Variants in SH2D3C observed in about 807,000 individuals in gnomAD.
The protein encoded by SH2D3C is SH2 domain-containing protein 3C.
Under a neutral mutation model 75.2 loss-of-function variants are expected in SH2D3C, and 25 were observed. That is an observed-to-expected ratio of 0.33 (90% CI 0.24 to 0.46). The LOEUF (loss-of-function observed/expected upper bound fraction) is 0.46, where lower values mean the gene tolerates loss of function less well. Among genes scored for constraint, SH2D3C ranks in the 20% least tolerant of loss-of-function variants. The pLI is 1.00. For missense variants in SH2D3C, 933 were observed against 1,165.3 expected, an observed-to-expected ratio of 0.80 and a Z score of 2.90; for synonymous variants, 450 against 473.7, an observed-to-expected ratio of 0.95 and a Z score of 0.65.
intron 2 of SH2D3C, among the ~76,000 whole-genome samples, chr9:127,773,663 C>G (rs753611780): frequency 6.6e-6 from 1 of 152,006 alleles, no homozygotes; most frequent in African/African-American, 2.4e-5. Context: ...AAAGAAGCCC[C>G]GGCCAGCACT....
chr9:127,766,662 C>CG lies in SH2D3C; in HGVS notation c.516-5013dup, dbSNP rs1169095161. On this transcript the variant is annotated intron_variant, in intron 2 of 11. Transcript: ENST00000314830. ...TCGGCTCACTGCAACCTCTGCCTCC[C>CG]GGGTTCAAGTGATTCTCTTGCCTCA... 4.6e-5 allele frequency among the ~76,000 whole-genome samples: 7 copies of CG among 152,256 alleles called. No homozygotes were observed. In the East Asian group the frequency reaches 1.2e-3, roughly 25 times the overall value.
chr9:127,778,090 C>A (rs1156582795), intron 1 of SH2D3C, among the ~76,000 whole-genome samples: 1 of 152,004 alleles, frequency 6.6e-6, no homozygotes, highest in African/African-American at 2.4e-5. Flanking sequence ...TGGGTTCAAG[C>A]GTTTCTTCTG....
chr9:127,742,645 G>A, intron 8 of SH2D3C: 1 of 526,364 alleles, frequency 1.9e-6, no homozygotes, highest in Non-Finnish European at 3.4e-6. Flanking sequence ...GAAGGCGAAT[G>A]CGGAGATACA....
chr9:127,761,421 T>C (rs982486025), intron 3 of SH2D3C, among the ~76,000 whole-genome samples, 190 bp downstream of exon 3: 1 of 151,458 alleles, frequency 6.6e-6, no homozygotes, highest in Non-Finnish European at 1.5e-5. Flanking sequence ...TAATGGCTGG[T>C]GTAGGAAGAA....
chr9:127,741,916 A>C lies in SH2D3C; in HGVS notation c.1960T>G (p.Cys654Gly). The C allele has an allele frequency of 6.2e-7, 1 of 1,613,010 alleles. No individual in the cohort carries two copies. Among genetic ancestry groups the C allele is most frequent in the South Asian group, 1.1e-5 (1 of 91,072 alleles). The part of the protein sequence containing the change: ...SIMLAVDILG[C>G]TGSAEERAAL... ...GCCCGCTCCTCCGCAGAGCCGGTGC[A>C]GCCCAGGATGTCCACGGCCAGCATG... is the stretch of plus-strand genomic sequence containing the variant. The change falls in exon 9 of 12, where the codon TGC (cysteine) becomes GGC (glycine). Residue 654 changes from cysteine (C) to glycine (G), a missense_variant. Transcript: ENST00000314830.
At chr9:127,755,067 C>T (rs1471091129) in intron 3 of SH2D3C, 24 of 1,187,190 alleles carry the variant, frequency 2.0e-5, no homozygotes, top group Non-Finnish European at 2.3e-5. Flanking sequence ...GGGGGCCGAG[C>T]CGCCCCCTCA....
chr9:127,757,627 GATGATGATGATGATGATGATT>G lies in SH2D3C; in HGVS notation c.555+3963_555+3983del, dbSNP rs1469541274. ...AGATGATGATGATGATGATGATGAT[GATGATGATGATGATGATGATT>G]ATTATTATTATTATTATTATTTTGA... On this transcript the variant is annotated intron_variant, in intron 3 of 11. Transcript: ENST00000314830. Among the ~76,000 whole-genome samples, 349 of 106,794 alleles carry G rather than the reference GATGATGATGATGATGATGATT, an allele frequency of 3.3e-3. 3 individuals carry two copies. The East Asian group carries it at 0.046, about 14-fold the overall frequency. The allele number at this position is 106,794 out of a possible 152,430, so 70.1% of individuals were successfully genotyped here.
In SH2D3C at chr9:127,754,076, T is replaced by A. The variant is rs1385420961; in HGVS notation, c.556-2776A>T. ...GAATCCTAGGGTCCCTGTGCCTTGA[T>A]CTCACCTCGACCTGGGAGCCCCCAG... On this transcript the variant is annotated intron_variant, in intron 3 of 11. Transcript: ENST00000314830. The surrounding 1 kb of genome is among the most constrained non-coding windows in gnomAD (Gnocchi z 4.4). 6.6e-6 allele frequency among the ~76,000 whole-genome samples: 1 copy of A among 152,150 alleles called. No individual in the cohort carries two copies. Among genetic ancestry groups the A allele is most frequent in the Admixed American group, 6.5e-5 (1 of 15,286 alleles).
rs561018346 is a variant in SH2D3C, at chr9:127,768,549, C to T, written c.515+5441G>A. 3.3e-5 allele frequency among the ~76,000 whole-genome samples: 5 copies of T among 152,288 alleles called. No individual in the cohort carries two copies. In the South Asian group the frequency reaches 1.0e-3, roughly 32 times the overall value. ...GCAGCAAGCTATGATCGAGCCGCTG[C>T]ACTCCAGCCTGGGCAACAGAATAAA... On this transcript the variant is annotated intron_variant, in intron 2 of 11. Transcript: ENST00000314830.
At chr9:127,771,406 A>C in intron 2 of SH2D3C, 5 of 1,289,292 alleles carry the variant, frequency 3.9e-6, no homozygotes, top group South Asian at 2.2e-5. Flanking sequence ...TCCACCGCCT[A>C]CTCCACCGGC....
chr9:127,748,949 G>A (rs1157880041), intron 5 of SH2D3C, among the ~76,000 whole-genome samples: 1 of 152,164 alleles, frequency 6.6e-6, no homozygotes, highest in Non-Finnish European at 1.5e-5. Context: ...TAGGAACATG[G>A]GGATAACAGA....
At chr9:127,748,858 C>T (rs1048045273) in intron 5 of SH2D3C, among the ~76,000 whole-genome samples, 10 of 152,158 alleles carry the variant, frequency 6.6e-5, no homozygotes, top group African/African-American at 1.2e-4. Context: ...CATCAGGTGG[C>T]GGGGACCAGG....
At chr9:127,758,412 A>G (rs1350653512) in intron 3 of SH2D3C, among the ~76,000 whole-genome samples, 1 of 152,222 alleles carries the variant, frequency 6.6e-6, no homozygotes, top group Non-Finnish European at 1.5e-5. Context: ...CCCTAAAAAT[A>G]AACTAAAGGA....
At chr9:127,742,090 T>C (rs1844877055) in intron 8 of SH2D3C, 131 bp from the exon 9 acceptor site, 8 of 847,036 alleles carry the variant, frequency 9.4e-6, no homozygotes, top group South Asian at 3.6e-5. Flanking sequence ...TAAGGGTCAA[T>C]GGGATAAGGG....
intron 2 of SH2D3C, chr9:127,771,170 C>T: frequency 6.5e-7 from 1 of 1,538,796 alleles, no homozygotes; most frequent in African/African-American, 1.4e-5. Flanking sequence ...TCCCCAGGCC[C>T]AGCTCGGTCA....
Position 127,738,690 on chromosome 9 carries a change from T to A in SH2D3C, c.*56A>T. On this transcript the variant is annotated 3_prime_UTR_variant, in exon 12 of 12. Coordinates refer to ENST00000314830, the MANE Select transcript of SH2D3C (RefSeq NM_170600.3). This position sits in a 1 kb window ranked among gnomAD's most constrained non-coding sequence, Gnocchi z 5.0. ...CCTTGGGGTGCTCTGGGGAAAGTTG[T>A]GTGCCCCTCTGCCCCTGACGCTGTC... The A allele has an allele frequency of 6.8e-7, 1 of 1,479,808 alleles. No individual in the cohort carries two copies. Among genetic ancestry groups the A allele is most frequent in the Non-Finnish European group, 9.1e-7 (1 of 1,104,886 alleles). The allele number at this position is 1,479,808 out of a possible 1,614,324, so 91.7% of individuals were successfully genotyped here.
intron 1 of SH2D3C, among the ~76,000 whole-genome samples, chr9:127,776,825 A>G (rs1845818633): frequency 6.6e-6 from 1 of 152,196 alleles, no homozygotes; most frequent in South Asian, 2.1e-4. Context: ...TTTGCTTCCC[A>G]GCCCTGCCGG....
intron 6 of SH2D3C, among the ~76,000 whole-genome samples, chr9:127,746,152 A>G (rs1845023505): frequency 6.6e-6 from 1 of 152,154 alleles, no homozygotes. Context: ...TCTGGCAAGG[A>G]ATTTTAGGTT....
At chr9:127,753,531 G>C (rs552206465) in intron 3 of SH2D3C, among the ~76,000 whole-genome samples, 1 of 152,164 alleles carries the variant, frequency 6.6e-6, no homozygotes, top group Non-Finnish European at 1.5e-5. Flanking sequence ...CACATCCTCC[G>C]GCCGTGGTAG....
Sources: allele counts gnomAD v4.1 joint callset (sites outside exome capture counted in the v4.1 genomes callset), GRCh38; gene constraint gnomAD v4.1.1; non-coding constraint Gnocchi (gnomAD v3.1); transcripts MANE v1.5; gene names NCBI Gene and HGNC (gene_info 2026-07-23, HGNC 2026-07-21).